Variants in PIH1D1 observed in about 807,000 individuals in gnomAD.
The protein encoded by PIH1D1 is PIH1 domain-containing protein 1.
A neutral mutation model predicts 38.5 loss-of-function variants in PIH1D1; 28 were observed. That is an observed-to-expected ratio of 0.73 (90% CI 0.54 to 1.00). The LOEUF is 1.00. PIH1D1 is among the 50% of genes least tolerant of loss of function. The probability of loss-of-function intolerance (pLI) is 0.00; values close to 1 mark genes in which losing one functional copy is unlikely to be tolerated. For missense variants in PIH1D1, 343 were observed against 369.9 expected (o/e 0.93, Z 0.60); for synonymous variants, 155 against 153.5 (o/e 1.01, Z -0.07).
At chr19:49,451,409 G>T (rs12327812) in intron 1 of PIH1D1, 76 bp downstream of exon 1, 5 of 1,596,940 alleles carry the variant, frequency 3.1e-6, no homozygotes, top group Non-Finnish European at 4.3e-6. Flanking sequence ...GTGCATTCTG[G>T]GAACTGCAGT....
At chr19:49,450,232 A>G (rs1426477676) in intron 2 of PIH1D1, among the ~76,000 whole-genome samples, 1 of 152,082 alleles carries the variant, frequency 6.6e-6, no homozygotes, top group Non-Finnish European at 1.5e-5. Context: ...CTATGACTAC[A>G]GGCACGCACC....
intron 1 of PIH1D1, 88 bp from the exon 2 acceptor site, chr19:49,450,936 A>C: frequency 6.2e-7 from 1 of 1,600,666 alleles, no homozygotes; most frequent in Non-Finnish European, 8.5e-7. Flanking sequence ...CTTATGCATG[A>C]GAGCTGTGGA....
intron 7 of PIH1D1, 139 bp downstream of exon 7, chr19:49,446,885 G>A (rs540104822): frequency 3.7e-6 from 4 of 1,074,014 alleles, no homozygotes; most frequent in Non-Finnish European, 4.2e-6. Flanking sequence ...GACAGCACCA[G>A]AAGGTGGCCT....
chr19:49,449,037 C>G, intron 3 of PIH1D1: 1 of 329,000 alleles, frequency 3.0e-6, no homozygotes, highest in Non-Finnish European at 6.0e-6. Context: ...ATTAAAAATA[C>G]AAAAATTAGC....
At position 49,447,076 on chromosome 19, in the gene PIH1D1, A is replaced by C. The variant is rs1189969648; in HGVS notation, c.635T>G (p.Leu212Arg). 6.2e-7 allele frequency: 1 copy of C among 1,613,244 alleles called. No individual in the cohort carries two copies. The highest frequency in any genetic ancestry group is 1.3e-5 in the African/African-American group (1 of 74,824). ...ESGPEKPHLNLWLEAPDLLLA... is the reference protein window; with the variant it reads ...ESGPEKPHLNRWLEAPDLLLA... ...GAGGAGGTCGGGGGCTTCCAGCCAC[A>C]GGTTCAGGTGAGGCTTTTCAGGCCT... The change falls in exon 7 of 9, where the codon CTG (leucine) becomes CGG (arginine). Residue 212 changes from leucine to arginine, a missense_variant. Transcript: ENST00000262265.
intron 2 of PIH1D1, 108 bp from the exon 3 acceptor site, chr19:49,449,762 G>A: frequency 1.2e-6 from 1 of 817,808 alleles, no homozygotes; most frequent in Non-Finnish European, 1.9e-6. Context: ...CCCCTTTTTT[G>A]TTCCACTCCC....
rs2079063078 is a variant in PIH1D1, at chr19:49,451,799, G to C, written c.-225C>G. Reference sequence around the variant, plus strand: ...CTAGACGCACTACCCTCCGTCCTACGTGCCGAACTGTAAACGAAGCCACAC... The same window carrying C: ...CTAGACGCACTACCCTCCGTCCTACCTGCCGAACTGTAAACGAAGCCACAC... On this transcript the variant is annotated 5_prime_UTR_variant, in exon 1 of 9. Coordinates refer to ENST00000262265, the MANE Select transcript of PIH1D1 (RefSeq NM_017916.3). The C allele has an allele frequency of 6.1e-6, 8 of 1,318,296 alleles. No homozygotes were observed. The South Asian group carries it at 1.2e-4, about 19-fold the overall frequency. The allele number at this position is 1,318,296 out of a possible 1,614,324, so 81.7% of individuals were successfully genotyped here.
intron 2 of PIH1D1, 148 bp from the exon 3 acceptor site, chr19:49,449,802 T>C (rs1243709419): frequency 1.7e-6 from 1 of 575,444 alleles, no homozygotes; most frequent in African/African-American, 1.9e-5. Flanking sequence ...CTCTTTTTTT[T>C]TTTTTTTTTT....
In PIH1D1 at chr19:49,447,849, T is replaced by C. The variant is rs776686107; in HGVS notation, c.459A>G (p.Lys153=). The part of the protein sequence containing the change: ...ITIAREGLED[K]YNLQLNPEWR... ...CACCCGGATTCAGCTGCAAGTTGTA[T>C]TTGTCCTCAAGGCCCTCCCTGGCGA... Residue 153 remains lysine (K), a synonymous_variant, in exon 5 of 9, where the codon AAA becomes AAG. Transcript: ENST00000262265. The C allele has an allele frequency of 2.4e-5, 39 of 1,614,022 alleles. No individual in the cohort carries two copies. In the Admixed American group the frequency reaches 6.3e-4, roughly 26 times the overall value.
At chr19:49,447,243 A>G in intron 6 of PIH1D1, 95 bp downstream of exon 6, 1 of 1,550,526 alleles carries the variant, frequency 6.4e-7, no homozygotes, top group Non-Finnish European at 8.8e-7. Context: ...CTCAGTGCCC[A>G]GGGCCCCAGG....
rs760153743 is a variant in PIH1D1, at chr19:49,447,078, G to T, written c.633C>A (p.Asn211Lys). 6.2e-7 allele frequency: 1 copy of T among 1,613,250 alleles called. No homozygotes were observed. The highest frequency in any genetic ancestry group is 1.7e-5 in the Admixed American group (1 of 59,706). ...AESGPEKPHL[N>K]LWLEAPDLLL... ...GGAGGTCGGGGGCTTCCAGCCACAGGTTCAGGTGAGGCTTTTCAGGCCTGA... is the reference window on the plus strand; with the variant it reads ...GGAGGTCGGGGGCTTCCAGCCACAGTTTCAGGTGAGGCTTTTCAGGCCTGA... The change falls in exon 7 of 9, where the codon AAC (asparagine) becomes AAA (lysine). Residue 211 changes from asparagine to lysine, a missense_variant. Transcript: ENST00000262265.
chr19:49,450,234 G>A (rs1236892010), intron 2 of PIH1D1, among the ~76,000 whole-genome samples: 1 of 151,930 alleles, frequency 6.6e-6, no homozygotes, highest in African/African-American at 2.4e-5. Context: ...ATGACTACAG[G>A]CACGCACCCA....
chr19:49,448,801 CAT>C (rs1209823445), intron 3 of PIH1D1, among the ~76,000 whole-genome samples: 1 of 151,446 alleles, frequency 6.6e-6, no homozygotes, highest in Non-Finnish European at 1.5e-5. Context: ...CTTCAAGAGA[CAT>C]ATTGAAAAAA....
chr19:49,451,378 C>G, intron 1 of PIH1D1, 107 bp downstream of exon 1: 1 of 1,509,206 alleles, frequency 6.6e-7, no homozygotes, highest in South Asian at 1.2e-5. Flanking sequence ...CTCAATTCCC[C>G]GAGGCCTGGT....
At chr19:49,447,496 G>GT in intron 5 of PIH1D1, 29 bp from the exon 6 acceptor site, 1 of 1,603,148 alleles carries the variant, frequency 6.2e-7, no homozygotes, top group Non-Finnish European at 8.5e-7. Context: ...GTCAAACATC[G>GT]TACAGGTCAG....
intron 2 of PIH1D1, 85 bp from the exon 3 acceptor site, chr19:49,449,739 C>G: frequency 8.4e-7 from 1 of 1,191,600 alleles, no homozygotes; most frequent in Non-Finnish European, 1.2e-6. Context: ...GTCTCTTTTC[C>G]TTTTGCCCTG....
Position 49,451,809 on chromosome 19 carries a change from G to C in PIH1D1, c.-235C>G. ...TACCCTCCGTCCTACGTGCCGAACT[G>C]TAAACGAAGCCACACTTCCGGTCTA... On this transcript the variant is annotated 5_prime_UTR_variant, in exon 1 of 9. Transcript: ENST00000262265. 7.9e-7 allele frequency: 1 copy of C among 1,260,250 alleles called. No homozygotes were observed. Among genetic ancestry groups the C allele is most frequent in the Non-Finnish European group, 1.0e-6 (1 of 964,828 alleles). 78.1% of individuals were successfully genotyped at this position (1,260,250 alleles called of 1,614,324 possible). A position where few individuals can be genotyped will look rare whatever the true frequency, so the allele number is the denominator to read the frequency against.
At chr19:49,451,025 C>CTTTTT (rs10616213) in intron 1 of PIH1D1, 177 bp from the exon 2 acceptor site, 23 of 550,638 alleles carry the variant, frequency 4.2e-5, no homozygotes, top group East Asian at 3.5e-4. Context: ...ATTCCCATTT[C>CTTTTT]TTTTTTTTTT....
At chr19:49,451,376 C>T (rs1601006346) in intron 1 of PIH1D1, 109 bp downstream of exon 1, 1 of 1,504,024 alleles carries the variant, frequency 6.6e-7, no homozygotes, top group Non-Finnish European at 9.1e-7. Context: ...ACCTCAATTC[C>T]CCGAGGCCTG....
Sources: gnomAD v4.1 joint callset for allele counts (sites outside exome capture counted in the v4.1 genomes callset) on GRCh38, gnomAD v4.1.1 for gene constraint, MANE v1.5 for transcripts, NCBI Gene and HGNC (gene_info 2026-07-23, HGNC 2026-07-21) for gene names.